GAS7: variants seen among roughly 807,000 people sequenced by gnomAD.
GAS7 encodes growth arrest specific 7.
GAS7 carries 28 observed loss-of-function variants against 71.1 expected under a neutral mutation model. The observed-to-expected ratio is 0.39, with a 90% CI of 0.29 to 0.54. The LOEUF (loss-of-function observed/expected upper bound fraction) is 0.54, where lower values mean the gene tolerates loss of function less well. GAS7 is among the 20% of genes least tolerant of loss of function. The probability of loss-of-function intolerance (pLI) is 0.62; values close to 1 mark genes in which losing one functional copy is unlikely to be tolerated. For missense variants in GAS7, 436 were observed against 627.8 expected (o/e 0.69, Z 3.27); for synonymous variants, 258 against 245.8 (o/e 1.05, Z -0.46).
intron 1 of GAS7, among the ~76,000 whole-genome samples, chr17:10,108,413 C>G (rs1342470849): frequency 3.9e-5 from 6 of 152,206 alleles, no homozygotes; most frequent in Admixed American, 3.9e-4. Flanking sequence ...ATCTACCACA[C>G]AGGGTCGTTC....
At chr17:10,117,004 C>A (rs899866517) in intron 1 of GAS7, among the ~76,000 whole-genome samples, 8 of 152,156 alleles carry the variant, frequency 5.3e-5, no homozygotes, top group African/African-American at 1.9e-4. Flanking sequence ...AATTCCCATA[C>A]ACTAACGGGC....
Position 10,154,913 on chromosome 17 carries a change from TACACACACACACACACACAC to T in GAS7, c.183+43275_183+43294del, listed in dbSNP as rs57604032. Among the ~76,000 whole-genome samples, 19 of 142,040 alleles carry T rather than the reference TACACACACACACACACACAC, an allele frequency of 1.3e-4. No individual in the cohort carries two copies. The South Asian group carries it at 2.3e-3, about 17-fold the overall frequency. The allele number at this position is 142,040 out of a possible 152,430, so 93.2% of individuals were successfully genotyped here. ...ATTACCCCAATCCCCAACCCCAGGC[TACACACACACACACACACAC>T]ACACACACACACACACACACACAAA... is the stretch of plus-strand genomic sequence containing the variant. On this transcript the variant is annotated intron_variant, in intron 1 of 13. Transcript: ENST00000432992.
intron 4 of GAS7, among the ~76,000 whole-genome samples, chr17:9,961,312 T>C (rs769556015): frequency 1.3e-5 from 2 of 152,160 alleles, no homozygotes; most frequent in Non-Finnish European, 2.9e-5. Flanking sequence ...AGACGGAGGC[T>C]ACATGGCAGG....
chr17:9,933,243 C>T (rs749822816), intron 9 of GAS7, among the ~76,000 whole-genome samples: 5 of 152,108 alleles, frequency 3.3e-5, no homozygotes, highest in Non-Finnish European at 7.4e-5. Context: ...TTTACTTGTT[C>T]TGAAATTTTG....
At position 10,029,027 on chromosome 17, in the gene GAS7, C is replaced by T. The variant is rs936142587; in HGVS notation, c.184-9130G>A. On this transcript the variant is annotated intron_variant, in intron 1 of 13. Coordinates refer to ENST00000432992, the MANE Select transcript of GAS7 (RefSeq NM_201433.2). ...AGTTCCAGAGCTGGGCCACACGGGA[C>T]GTCCTACGCTGTTCAAGGCAAAGTG... Among the ~76,000 whole-genome samples the T allele has an allele frequency of 9.2e-5, 14 of 152,310 alleles. 1 individual carries two copies. The highest frequency in any genetic ancestry group is 1.3e-4 in the Admixed American group (2 of 15,296).
At chr17:10,147,966 T>G (rs1221297458) in intron 1 of GAS7, among the ~76,000 whole-genome samples, 6 of 152,066 alleles carry the variant, frequency 3.9e-5, no homozygotes, top group Non-Finnish European at 7.4e-5. Flanking sequence ...ATTCTGAACC[T>G]CCCATGTCCC....
intron 1 of GAS7, among the ~76,000 whole-genome samples, chr17:10,158,547 A>G (rs1418587200): frequency 6.6e-6 from 1 of 152,042 alleles, no homozygotes; most frequent in Non-Finnish European, 1.5e-5. Context: ...CTGTATACTG[A>G]ACTCCTTAGA....
At chr17:9,984,269 G>A (rs1005762135) in intron 2 of GAS7, among the ~76,000 whole-genome samples, 4 of 151,992 alleles carry the variant, frequency 2.6e-5, no homozygotes, top group Admixed American at 1.3e-4. Flanking sequence ...AAAGAGGTTC[G>A]GCTACTTGGT....
At chr17:10,048,234 G>A (rs1429386833) in intron 1 of GAS7, among the ~76,000 whole-genome samples, 2 of 152,196 alleles carry the variant, frequency 1.3e-5, no homozygotes, top group Non-Finnish European at 2.9e-5. Flanking sequence ...CCAAGGAGGC[G>A]GAGGTTGCAG....
At chr17:9,944,257 G>T (rs984519518) in intron 6 of GAS7, among the ~76,000 whole-genome samples, 1 of 152,200 alleles carries the variant, frequency 6.6e-6, no homozygotes, top group Non-Finnish European at 1.5e-5. Flanking sequence ...GTCTAAAAGT[G>T]TCCTCCTCCT....
chr17:10,114,284 C>T (rs1237288904), intron 1 of GAS7, among the ~76,000 whole-genome samples: 2 of 152,038 alleles, frequency 1.3e-5, no homozygotes, highest in African/African-American at 4.8e-5. Flanking sequence ...GTGAGTGGGC[C>T]CAGGTTACCA....
intron 2 of GAS7, among the ~76,000 whole-genome samples, chr17:9,993,360 G>A (rs2070918568): frequency 6.6e-6 from 1 of 152,146 alleles, no homozygotes. Flanking sequence ...GGCCAGTGAT[G>A]GTGAACATTT....
intron 2 of GAS7, among the ~76,000 whole-genome samples, chr17:9,998,230 C>T (rs2071122567): frequency 6.6e-6 from 1 of 152,162 alleles, no homozygotes; most frequent in Non-Finnish European, 1.5e-5. Context: ...AAGGTTTATG[C>T]CAGGGAGCTG....
intron 7 of GAS7, 112 bp downstream of exon 7, chr17:9,943,009 G>A: frequency 1.5e-6 from 1 of 674,678 alleles, no homozygotes; most frequent in African/African-American, 1.8e-5. Flanking sequence ...GCGCTAACCA[G>A]CCCAATGCTG....
chr17:10,004,896 A>G (rs10048221), intron 2 of GAS7, among the ~76,000 whole-genome samples: 133,976 of 152,080 alleles, frequency 0.88, 59,245 homozygotes, highest in African/African-American at 0.96. Context: ...TGTAATCCCA[A>G]CTACTCAGGA....
intron 1 of GAS7, among the ~76,000 whole-genome samples, chr17:10,167,672 TTC>T (rs951128214): frequency 6.6e-6 from 1 of 152,132 alleles, no homozygotes; most frequent in Non-Finnish European, 1.5e-5. Context: ...TTCTTTTTTT[TTC>T]TGTGTCTTTT....
intron 2 of GAS7, among the ~76,000 whole-genome samples, chr17:10,018,515 C>T (rs565304948): frequency 2.0e-5 from 3 of 152,188 alleles, no homozygotes; most frequent in Non-Finnish European, 4.4e-5. Flanking sequence ...TCTCCGGTAA[C>T]AGTGCAAAGC....
At chr17:10,015,933 G>T (rs1296796814) in intron 2 of GAS7, among the ~76,000 whole-genome samples, 1 of 152,076 alleles carries the variant, frequency 6.6e-6, no homozygotes, top group African/African-American at 2.4e-5. Flanking sequence ...TGATCAAATA[G>T]GTTTTCACTT....
chr17:10,076,451 GGGAAAGGAAA>G (rs999418814), intron 1 of GAS7, among the ~76,000 whole-genome samples: 20 of 147,884 alleles, frequency 1.4e-4, no homozygotes, highest in African/African-American at 4.5e-4. Context: ...AGTCGGGGGA[GGGAAAGGAAA>G]GGAAAGGAAA....
Sources: gnomAD v4.1 joint callset for allele counts (sites outside exome capture counted in the v4.1 genomes callset) on GRCh38, gnomAD v4.1.1 for gene constraint, MANE v1.5 for transcripts, NCBI Gene and HGNC (gene_info 2026-07-23, HGNC 2026-07-21) for gene names.